Variants in LARGE1 observed in about 807,000 individuals in gnomAD.
LARGE1 encodes the protein LARGE xylosyl- and glucuronyltransferase 1, also known as xylosyl- and glucuronyltransferase LARGE1.
A neutral mutation model predicts 87.6 loss-of-function variants in LARGE1; 43 were observed. The ratio of observed to expected loss-of-function variants is 0.49; its 90% CI spans 0.38 to 0.63. LARGE1 has a LOEUF of 0.63. LARGE1 is among the 30% of genes least tolerant of loss of function. LARGE1 has a pLI of 0.00. For synonymous variants in LARGE1, 434 were observed against 394.6 expected (o/e 1.10, Z -1.18); for missense variants, 802 against 1,000.2 (o/e 0.80, Z 2.67).
intron 2 of LARGE1, 126 bp from the exon 3 acceptor site, chr22:33,650,794 G>C (rs1300928919): frequency 1.9e-6 from 2 of 1,038,440 alleles, no homozygotes; most frequent in East Asian, 5.2e-5. Flanking sequence ...AAGGAAAACA[G>C]ATGGAAAGTG....
At chr22:33,407,476 A>T (rs189046253) in intron 7 of LARGE1, among the ~76,000 whole-genome samples, 1 of 152,242 alleles carries the variant, frequency 6.6e-6, no homozygotes, top group African/African-American at 2.4e-5. Flanking sequence ...GCCTCAGGTA[A>T]TTCTATCTTT....
chr22:33,724,224 GGA>G (rs2083197914), intron 2 of LARGE1: 1 of 152,514 alleles, frequency 6.6e-6, no homozygotes, highest in Admixed American at 6.5e-5. Flanking sequence ...GACGCAGAGT[GGA>G]AGACAACCAC....
chr22:33,779,034 T>A (rs1426706822), intron 1 of LARGE1, among the ~76,000 whole-genome samples: 1 of 152,200 alleles, frequency 6.6e-6, no homozygotes, highest in Non-Finnish European at 1.5e-5. Context: ...TGATGTTATA[T>A]TTGGCATGCT....
intron 1 of LARGE1, among the ~76,000 whole-genome samples, chr22:33,844,477 C>T (rs189816589): frequency 6.6e-6 from 1 of 152,262 alleles, no homozygotes; most frequent in African/African-American, 2.4e-5. Context: ...AATTTCAGCA[C>T]AGCTTCCACT....
At chr22:33,427,419 A>C (rs1207009108) in intron 7 of LARGE1, among the ~76,000 whole-genome samples, 1 of 152,234 alleles carries the variant, frequency 6.6e-6, no homozygotes, top group Non-Finnish European at 1.5e-5. Context: ...GATCTTCTCT[A>C]ATGTTTTGTG....
At chr22:33,408,140 C>T (rs1234454280) in intron 7 of LARGE1, among the ~76,000 whole-genome samples, 4 of 151,898 alleles carry the variant, frequency 2.6e-5, no homozygotes, top group African/African-American at 9.7e-5. Context: ...AACACCACGC[C>T]CAGCTAATTT....
chr22:33,682,924 AACCCAC>A, intron 2 of LARGE1, among the ~76,000 whole-genome samples: 1 of 152,232 alleles, frequency 6.6e-6, no homozygotes, highest in African/African-American at 2.4e-5. Context: ...TGCTGGCTCC[AACCCAC>A]TTCAGGTTAG....
intron 9 of LARGE1, among the ~76,000 whole-genome samples, chr22:33,371,125 G>A (rs1289128910): frequency 6.6e-6 from 1 of 150,660 alleles, no homozygotes; most frequent in African/African-American, 2.4e-5. Context: ...GATAATATAT[G>A]TTATGCTGTA....
At chr22:33,523,706 A>G (rs1017191524) in intron 6 of LARGE1, among the ~76,000 whole-genome samples, 1 of 149,800 alleles carries the variant, frequency 6.7e-6, no homozygotes, top group African/African-American at 2.5e-5. Context: ...TTGTGTTACT[A>G]TTTCCTGTCC....
At chr22:33,535,326 C>T (rs983398794) in intron 6 of LARGE1, among the ~76,000 whole-genome samples, 8 of 152,000 alleles carry the variant, frequency 5.3e-5, no homozygotes, top group African/African-American at 7.2e-5. Flanking sequence ...GGTGGATCTC[C>T]GGAGGTCAGG....
rs573914282 is a variant in LARGE1 at position 33,335,633 on chromosome 22, A to C, written c.1287+2013T>G. On this transcript the variant is annotated intron_variant, in intron 10 of 14. Coordinates refer to ENST00000397394, the MANE Select transcript of LARGE1 (RefSeq NM_133642.5). ...GAAATCCAACATACAACCTCCTACC[A>C]ATCTGGCTCCTGCCTACCTGAGCCC... Among the ~76,000 whole-genome samples the C allele has an allele frequency of 2.2e-4, 33 of 152,282 alleles. No individual in the cohort carries two copies. In the South Asian group the frequency reaches 6.4e-3, roughly 30 times the overall value.
chr22:33,133,932 C>T, the LARGE1 span, among the ~76,000 whole-genome samples: 1 of 152,168 alleles, frequency 6.6e-6, no homozygotes, highest in African/African-American at 2.4e-5. Flanking sequence ...TATTATTTTT[C>T]ATAGTGATCA....
intron 5 of LARGE1, among the ~76,000 whole-genome samples, chr22:33,597,278 G>GAAAAA (rs3072280): frequency 7.7e-6 from 1 of 129,324 alleles, no homozygotes; most frequent in African/African-American, 2.8e-5. Context: ...CCTAATTCAT[G>GAAAAA]AAAAAAAAAA....
intron 5 of LARGE1, among the ~76,000 whole-genome samples, chr22:33,575,274 A>C (rs183566512): frequency 2.1e-3 from 314 of 152,322 alleles, no homozygotes; most frequent in African/African-American, 7.2e-3. Context: ...CCCCAAGCTT[A>C]AGTGCCCCAC....
chr22:33,777,080 G>A (rs1298714191), intron 1 of LARGE1, among the ~76,000 whole-genome samples: 4 of 152,102 alleles, frequency 2.6e-5, no homozygotes, highest in East Asian at 1.9e-4. Flanking sequence ...AAAATGAGCT[G>A]AGCCAGAAGA....
intron 1 of LARGE1, among the ~76,000 whole-genome samples, chr22:33,781,727 C>T (rs778853937): frequency 1.3e-5 from 2 of 152,156 alleles, no homozygotes; most frequent in Non-Finnish European, 2.9e-5. Flanking sequence ...GTGCCAAACC[C>T]CGTGCTAAGT....
At chr22:33,505,804 T>C (rs1247861161) in intron 6 of LARGE1, among the ~76,000 whole-genome samples, 1 of 152,182 alleles carries the variant, frequency 6.6e-6, no homozygotes, top group Non-Finnish European at 1.5e-5. Flanking sequence ...CATCTCTTGA[T>C]TCCTGTCACT....
intron 11 of LARGE1, among the ~76,000 whole-genome samples, chr22:33,262,247 C>T (rs934020812): frequency 2.0e-5 from 3 of 152,216 alleles, no homozygotes; most frequent in Non-Finnish European, 4.4e-5. Context: ...GAATGGAGCT[C>T]TCATGCCCAG....
At chr22:33,839,571 T>C (rs889618249) in intron 1 of LARGE1, among the ~76,000 whole-genome samples, 2 of 152,230 alleles carry the variant, frequency 1.3e-5, no homozygotes, top group Non-Finnish European at 2.9e-5. Context: ...TATGTTAGCA[T>C]GCCAATAGAG....
Sources: allele counts gnomAD v4.1 joint callset (sites outside exome capture counted in the v4.1 genomes callset), GRCh38; gene constraint gnomAD v4.1.1; transcripts MANE v1.5; gene names NCBI Gene and HGNC (gene_info 2026-07-23, HGNC 2026-07-21).